GRIK4: variants seen among roughly 807,000 people sequenced by gnomAD.
GRIK4 encodes glutamate receptor ionotropic, kainate 4.
Under a neutral mutation model 104.9 loss-of-function variants are expected in GRIK4, and 40 were observed. That is an observed-to-expected ratio of 0.38 (90% confidence interval 0.30 to 0.50). The LOEUF is 0.50. Among genes scored for constraint, GRIK4 ranks in the 20% least tolerant of loss-of-function variants. GRIK4 has a pLI of 0.93. For synonymous variants in GRIK4, 485 were observed against 524.9 expected (o/e 0.92, Z 1.04); for missense variants, 1,047 against 1,308.1 (o/e 0.80, Z 3.08).
intron 6 of GRIK4, among the ~76,000 whole-genome samples, chr11:120,824,551 T>TTTTTC (rs781266828): frequency 8.7e-5 from 12 of 137,534 alleles, no homozygotes; most frequent in Admixed American, 1.4e-4. Context: ...TTTTTTTCTT[T>TTTTTC]TCTTTTTTTT....
chr11:120,912,700 GTTGT>G (rs1943026627), intron 13 of GRIK4, among the ~76,000 whole-genome samples: 1 of 152,190 alleles, frequency 6.6e-6, no homozygotes, highest in African/African-American at 2.4e-5. Context: ...AAGGTAAAGG[GTTGT>G]AGCTAGAGGG....
At chr11:120,647,135 C>T (rs6589827) in intron 1 of GRIK4, among the ~76,000 whole-genome samples, 98,424 of 152,072 alleles carry the variant, frequency 0.65, 31,939 homozygotes, top group African/African-American at 0.68. Flanking sequence ...CCTACAGAGA[C>T]TGGCTCTGGA....
intron 3 of GRIK4, among the ~76,000 whole-genome samples, chr11:120,669,553 A>G (rs1318423653): frequency 1.3e-5 from 2 of 152,198 alleles, no homozygotes; most frequent in African/African-American, 4.8e-5. Context: ...AGTCCCGGGC[A>G]TTGATGCCCA....
At position 120,802,678 on chromosome 11, in the gene GRIK4, G is replaced by T; in HGVS notation, c.83-15G>T. On this transcript the variant is annotated splice_polypyrimidine_tract_variant and intron_variant, in intron 3 of 20. Coordinates refer to ENST00000527524, the MANE Select transcript of GRIK4 (RefSeq NM_014619.5). Reference sequence around the variant, plus strand: ...GTGGAGTACCAATTGTCTCCATGTGGTTGCCTGCCCACAGCTGCTATCTTG... The same window carrying T: ...GTGGAGTACCAATTGTCTCCATGTGTTTGCCTGCCCACAGCTGCTATCTTG... The T allele has an allele frequency of 6.2e-7, 1 of 1,611,600 alleles. No homozygotes were observed. The highest frequency in any genetic ancestry group is 2.2e-5 in the East Asian group (1 of 44,858).
chr11:120,667,923 CTGAG>C (rs1199764402), intron 3 of GRIK4, among the ~76,000 whole-genome samples: 1 of 152,194 alleles, frequency 6.6e-6, no homozygotes, highest in Non-Finnish European at 1.5e-5. Context: ...CTCTATCTAT[CTGAG>C]TATGACCCCT....
chr11:120,604,199 A>G (rs1165143027), intron 1 of GRIK4, among the ~76,000 whole-genome samples: 1 of 136,780 alleles, frequency 7.3e-6, no homozygotes, highest in African/African-American at 2.8e-5. Context: ...AAAAAAAAAG[A>G]ATGATCTGCC....
chr11:120,958,478 G>T (rs141650482), intron 16 of GRIK4, among the ~76,000 whole-genome samples: 1 of 152,244 alleles, frequency 6.6e-6, no homozygotes, highest in Non-Finnish European at 1.5e-5. Flanking sequence ...TCAGGGCCTC[G>T]GTTTGGTCCG....
intron 11 of GRIK4, among the ~76,000 whole-genome samples, chr11:120,896,257 T>C (rs1942577834): frequency 6.6e-6 from 1 of 152,230 alleles, no homozygotes; most frequent in Non-Finnish European, 1.5e-5. Context: ...AGTGCAGGGC[T>C]TAAAGCTCAG....
intron 9 of GRIK4, chr11:120,869,573 G>A (rs1270963933): frequency 2.0e-5 from 3 of 152,318 alleles, no homozygotes; most frequent in African/African-American, 7.2e-5. Flanking sequence ...GCTAATAAGA[G>A]AGCATCAGCC....
intron 3 of GRIK4, among the ~76,000 whole-genome samples, chr11:120,778,226 A>G (rs1205474221): frequency 6.6e-6 from 1 of 152,248 alleles, no homozygotes; most frequent in Non-Finnish European, 1.5e-5. Flanking sequence ...ACTGCTTAGC[A>G]TGGTAGAGGC....
intron 1 of GRIK4, among the ~76,000 whole-genome samples, chr11:120,610,738 A>G (rs1023468896): frequency 2.0e-5 from 3 of 152,208 alleles, no homozygotes; most frequent in African/African-American, 7.2e-5. Context: ...GGATGCAGGA[A>G]ATAGGAAATG....
intron 13 of GRIK4, among the ~76,000 whole-genome samples, chr11:120,924,107 T>G (rs992152459): frequency 1.3e-5 from 2 of 152,228 alleles, no homozygotes; most frequent in Non-Finnish European, 2.9e-5. Context: ...TTTCACAATC[T>G]GTTAAGCTGT....
intron 14 of GRIK4, among the ~76,000 whole-genome samples, chr11:120,946,658 C>T (rs1328296811): frequency 6.6e-6 from 1 of 152,180 alleles, no homozygotes; most frequent in East Asian, 1.9e-4. Flanking sequence ...GAACAGTGCC[C>T]GGAAGCAGGT....
At chr11:120,671,152 G>A (rs1950010816) in intron 3 of GRIK4, among the ~76,000 whole-genome samples, 1 of 152,206 alleles carries the variant, frequency 6.6e-6, no homozygotes, top group South Asian at 2.1e-4. Context: ...GAATAGTGCT[G>A]CAGTAAACTT....
chr11:120,832,041 C>A lies in GRIK4; in HGVS notation c.690+11C>A. On this transcript the variant is annotated intron_variant, in intron 7 of 20. Transcript: ENST00000527524. ...ACCATCCTCCTGAAGGTGGGAGCCT[C>A]CCTCTCTCCCCCACCCCCTGCTGAG... 6.3e-7 allele frequency: 1 copy of A among 1,585,522 alleles called. No individual in the cohort carries two copies. The highest frequency in any genetic ancestry group is 8.6e-7 in the Non-Finnish European group (1 of 1,159,260).
chr11:120,575,800 C>A (rs4938816), intron 1 of GRIK4: 3,465 of 152,222 alleles, frequency 0.023, 62 homozygotes, highest in Non-Finnish European at 0.037. Flanking sequence ...GCAAGGAGCG[C>A]TTGAGGACGA....
intron 3 of GRIK4, among the ~76,000 whole-genome samples, chr11:120,754,494 A>C (rs966498293): frequency 6.6e-6 from 1 of 152,156 alleles, no homozygotes; most frequent in African/African-American, 2.4e-5. Flanking sequence ...TAATCAGTTC[A>C]TAGATATTTG....
chr11:120,917,247 C>CAAA (rs199620498), intron 13 of GRIK4, among the ~76,000 whole-genome samples: 1,235 of 34,580 alleles, frequency 0.036, 79 homozygotes, highest in Middle Eastern at 0.074. Context: ...AACTCCGTCT[C>CAAA]AAAAAAAAAA....
chr11:120,751,637 C>G (rs1036690725), intron 3 of GRIK4, among the ~76,000 whole-genome samples: 3 of 152,138 alleles, frequency 2.0e-5, no homozygotes, highest in Admixed American at 6.5e-5. Context: ...GACACACAGT[C>G]GGACAGCCAC....
Sources: gnomAD v4.1 joint callset for allele counts (sites outside exome capture counted in the v4.1 genomes callset) on GRCh38, gnomAD v4.1.1 for gene constraint, MANE v1.5 for transcripts, NCBI Gene and HGNC (gene_info 2026-07-23, HGNC 2026-07-21) for gene names.